The following USP25 variants were observed in gnomAD, a reference collection of about 807,000 sequenced individuals.
USP25 encodes the protein ubiquitin carboxyl-terminal hydrolase 25.
Under a neutral mutation model 158.5 loss-of-function variants are expected in USP25, and 85 were observed. The observed-to-expected ratio is 0.54, with a 90% CI of 0.45 to 0.64. The LOEUF (loss-of-function observed/expected upper bound fraction) is 0.64. Among genes scored for constraint, USP25 ranks in the 30% least tolerant of loss-of-function variants. The pLI is 0.00. For synonymous variants in USP25, 464 were observed against 460.4 expected (o/e 1.01, Z -0.10); for missense variants, 1,242 against 1,327.3 (o/e 0.94, Z 1.00).
At chr21:15,735,978 GTGTA>G (rs763494314) in intron 1 of USP25, among the ~76,000 whole-genome samples, 2,853 of 146,260 alleles carry the variant, frequency 0.02, 77 homozygotes, top group African/African-American at 0.068. Flanking sequence ...GTGTGTGTGT[GTGTA>G]TGTGTGTGTG....
intron 3 of USP25, among the ~76,000 whole-genome samples, chr21:15,768,493 C>T (rs926426745): frequency 6.6e-6 from 1 of 151,980 alleles, no homozygotes; most frequent in Non-Finnish European, 1.5e-5. Flanking sequence ...AAAAAATACT[C>T]TTTAAGTGAC....
rs750682562 is a variant in USP25 at position 15,864,416 on chromosome 21, T to C, written c.2696T>C (p.Phe899Ser). Residue 899 changes from phenylalanine to serine, a missense_variant, in exon 21 of 26, where the codon TTT (phenylalanine) becomes TCT (serine). Around this residue, in one of 3 missense-constraint regions of USP25, gnomAD observed 608 missense variants for 605.2 expected, o/e 1.00. Coordinates refer to ENST00000400183, the MANE Select transcript of USP25 (RefSeq NM_001283041.3). ...ATTGAGAAAACATTACTAGAACAAT[T>C]TGGAGATAGAAATTTGAGTTTTGAT... Reference protein sequence around the residue: ...KIIEKTLLEQFGDRNLSFDER... With the variant: ...KIIEKTLLEQSGDRNLSFDER... The C allele has an allele frequency of 6.2e-7, 1 of 1,605,430 alleles. No individual in the cohort carries two copies. The highest frequency in any genetic ancestry group is 8.5e-7 in the Non-Finnish European group (1 of 1,177,798).
intron 5 of USP25, among the ~76,000 whole-genome samples, chr21:15,794,047 T>C (rs2035734411): frequency 6.6e-6 from 1 of 151,662 alleles, no homozygotes; most frequent in South Asian, 2.1e-4. Context: ...GATGTAAATG[T>C]ACTGTAAAGT....
chr21:15,831,352 A>G (rs1157920414), intron 15 of USP25, 49 bp from the exon 16 acceptor site: 3 of 1,533,748 alleles, frequency 2.0e-6, no homozygotes, highest in South Asian at 1.1e-5. Flanking sequence ...AATGTGGTAT[A>G]TAGTAAACTA....
chr21:15,784,728 G>A (rs1229429894), intron 4 of USP25, among the ~76,000 whole-genome samples: 7 of 152,240 alleles, frequency 4.6e-5, no homozygotes, highest in African/African-American at 1.7e-4. Flanking sequence ...GACTCTTCAT[G>A]TTAGCTCCAT....
At chr21:15,836,440 T>C (rs2038067009) in intron 17 of USP25, among the ~76,000 whole-genome samples, 1 of 152,266 alleles carries the variant, frequency 6.6e-6, no homozygotes, top group African/African-American at 2.4e-5. Flanking sequence ...CTAGATCTGC[T>C]TACTGCAAAG....
At chr21:15,877,562 CAAT>C (rs1190681882) in intron 24 of USP25, 1 of 343,532 alleles carries the variant, frequency 2.9e-6, no homozygotes, top group Non-Finnish European at 5.2e-6. Context: ...CTGAAAAACA[CAAT>C]AATGTTTTCT....
intron 3 of USP25, among the ~76,000 whole-genome samples, chr21:15,772,837 G>C (rs888364388): frequency 1.3e-5 from 2 of 152,104 alleles, no homozygotes; most frequent in Non-Finnish European, 2.9e-5. Flanking sequence ...TTTCAGGATT[G>C]CATTTGATAT....
chr21:15,824,988 A>T lies in USP25; in HGVS notation c.1231A>T (p.Ile411Leu), dbSNP rs764376959. Residue 411 changes from isoleucine (I) to leucine (L), a missense_variant, in exon 12 of 26, where the codon ATA (isoleucine) becomes TTA (leucine). This residue lies in a region of USP25 where 627 missense variants were observed against 701.4 expected (regional missense o/e 0.89). Coordinates refer to ENST00000400183, the MANE Select transcript of USP25 (RefSeq NM_001283041.3). ...LDRYMHRNRE[I>L]TRIKREEIKR... ...TAGATACATGCACAGAAACAGAGAA[A>T]TAACAAGAATTAAGAGGGAAGAGAT... 3 of 1,611,670 alleles carry T rather than the reference A, an allele frequency of 1.9e-6. No homozygotes were observed. The highest frequency in any genetic ancestry group is 3.4e-5 in the Admixed American group (2 of 59,484).
chr21:15,837,461 C>G (rs1485552620), intron 17 of USP25, among the ~76,000 whole-genome samples: 1 of 152,022 alleles, frequency 6.6e-6, no homozygotes, highest in Non-Finnish European at 1.5e-5. Context: ...AACAGCACAC[C>G]CTACCTAAGG....
At position 15,827,765 on chromosome 21, in the gene USP25, C is replaced by CGTGTGTGT. The variant is rs34923569; in HGVS notation, c.1693+595_1693+602dup. 1.7e-3 allele frequency among the ~76,000 whole-genome samples: 231 copies of CGTGTGTGT among 136,898 alleles called. 1 individual carries two copies. Among genetic ancestry groups the CGTGTGTGT allele is most frequent in the Admixed American group, 2.6e-3 (35 of 13,682 alleles). The allele number at this position is 136,898 out of a possible 152,430, so 89.8% of individuals were successfully genotyped here. A position where few individuals can be genotyped will look rare whatever the true frequency, so the allele number is the denominator to read the frequency against. On this transcript the variant is annotated intron_variant, in intron 14 of 25. Transcript: ENST00000400183. Reference sequence around the variant, plus strand: ...GGGTGTGTGCACTTGTGTGCGTGTGCGTGTGTGTGTGTGTGTGTGTGTGTG... The same window carrying CGTGTGTGT: ...GGGTGTGTGCACTTGTGTGCGTGTGCGTGTGTGTGTGTGTGTGTGTGTGTGTGTGTGTG...
In USP25 at chr21:15,842,442, A is replaced by G; in HGVS notation, c.2239A>G (p.Ser747Gly). Reference sequence around the variant, plus strand: ...AGAATATCTAGAGCAGCCATCAAGAAGTGATTTCTCAAAGCACTTGAAAGA... The same window carrying G: ...AGAATATCTAGAGCAGCCATCAAGAGGTGATTTCTCAAAGCACTTGAAAGA... The part of the protein sequence containing the change: ...DPEYLEQPSR[S>G]DFSKHLKEET... Residue 747 changes from serine to glycine, a missense_variant, in exon 18 of 26, where the codon AGT becomes GGT. Ser to Gly is a moderately conservative substitution (Grantham distance 56). Transcript: ENST00000400183. The G allele has an allele frequency of 6.2e-7, 1 of 1,613,774 alleles. No individual in the cohort carries two copies. Among genetic ancestry groups the G allele is most frequent in the South Asian group, 1.1e-5 (1 of 91,084 alleles).
intron 1 of USP25, among the ~76,000 whole-genome samples, chr21:15,747,280 G>T (rs2032633779): frequency 6.6e-6 from 1 of 152,042 alleles, no homozygotes; most frequent in Admixed American, 6.5e-5. Context: ...GGCTAGTATT[G>T]AACCATTTAT....
At chr21:15,770,376 T>C (rs1463626531) in intron 3 of USP25, among the ~76,000 whole-genome samples, 1 of 152,180 alleles carries the variant, frequency 6.6e-6, no homozygotes, top group Non-Finnish European at 1.5e-5. Context: ...TTATTAGATA[T>C]GAACTGTAGA....
At chr21:15,862,729 G>T in intron 20 of USP25, among the ~76,000 whole-genome samples, 1 of 146,644 alleles carries the variant, frequency 6.8e-6, no homozygotes, top group Non-Finnish European at 1.5e-5. Context: ...ATAAGACTTT[G>T]GAATGACATG....
At chr21:15,858,810 A>G (rs1014094019) in intron 20 of USP25, among the ~76,000 whole-genome samples, 2 of 151,988 alleles carry the variant, frequency 1.3e-5, no homozygotes, top group Non-Finnish European at 2.9e-5. Flanking sequence ...AAATACTCTC[A>G]AATTAGTAGA....
At chr21:15,738,606 C>T (rs1458097351) in intron 1 of USP25, among the ~76,000 whole-genome samples, 1 of 152,124 alleles carries the variant, frequency 6.6e-6, no homozygotes. Context: ...TACCTAGCCA[C>T]CTTGCTAAAT....
intron 1 of USP25, among the ~76,000 whole-genome samples, chr21:15,761,393 T>C (rs1378227299): frequency 6.6e-6 from 1 of 152,124 alleles, no homozygotes; most frequent in Non-Finnish European, 1.5e-5. Context: ...AAATAATAAT[T>C]GGTCGCAGCC....
At chr21:15,810,304 T>C (rs2036593986) in intron 8 of USP25, among the ~76,000 whole-genome samples, 1 of 152,072 alleles carries the variant, frequency 6.6e-6, no homozygotes, top group East Asian at 1.9e-4. Context: ...TGATGACCCA[T>C]TTATCAAGAG....
Sources: gnomAD v4.1 joint callset for allele counts (sites outside exome capture counted in the v4.1 genomes callset) on GRCh38, gnomAD v4.1.1 for gene constraint, gnomAD v4.1.1 regional missense constraint, MANE v1.5 for transcripts, NCBI Gene and HGNC (gene_info 2026-07-23, HGNC 2026-07-21) for gene names.